Variants in PRPF6 observed in about 807,000 individuals in gnomAD.
PRPF6 encodes pre-mRNA processing factor 6.
A neutral mutation model predicts 118.3 loss-of-function variants in PRPF6; 42 were observed. The observed-to-expected ratio is 0.35, with a 90% CI of 0.28 to 0.46. The LOEUF (loss-of-function observed/expected upper bound fraction) is 0.46, where lower values mean the gene tolerates loss of function less well. Among genes scored for constraint, PRPF6 ranks in the 20% least tolerant of loss-of-function variants. The pLI is 1.00. For synonymous variants in PRPF6, 481 were observed against 485.1 expected (o/e 0.99, Z 0.11); for missense variants, 662 against 1,255.7 (o/e 0.53, Z 7.15).
At chr20:63,989,544 A>G (rs1208620044) in intron 3 of PRPF6, among the ~76,000 whole-genome samples, 1 of 151,376 alleles carries the variant, frequency 6.6e-6, no homozygotes, top group African/African-American at 2.4e-5. Context: ...AACAGTTAAC[A>G]TTTTGGCTCA....
At chr20:63,989,297 A>G (rs911340371) in intron 3 of PRPF6, among the ~76,000 whole-genome samples, 51 of 152,190 alleles carry the variant, frequency 3.4e-4, no homozygotes, top group African/African-American at 1.2e-3. Flanking sequence ...GAGAAACTCT[A>G]CAGGACATTG....
chr20:64,000,842 C>T (rs2059163394), intron 8 of PRPF6, among the ~76,000 whole-genome samples: 1 of 152,216 alleles, frequency 6.6e-6, no homozygotes, highest in Non-Finnish European at 1.5e-5. Flanking sequence ...GCTGGGATTA[C>T]AGGCGTGAGC....
At chr20:63,999,414 C>T (rs568516699) in intron 7 of PRPF6, among the ~76,000 whole-genome samples, 189 bp from the exon 8 acceptor site, 32 of 152,328 alleles carry the variant, frequency 2.1e-4, no homozygotes, top group African/African-American at 7.0e-4. Context: ...CGGTTCTCAG[C>T]GTTTGTCTGC....
rs540999740 is a variant in PRPF6 at position 64,000,208 on chromosome 20, G to A, written c.1023+449G>A. On this transcript the variant is annotated intron_variant, in intron 8 of 20. Coordinates refer to ENST00000266079, the MANE Select transcript of PRPF6 (RefSeq NM_012469.4). Reference sequence around the variant, plus strand: ...TCAGCTCTTCACCCGCCTAATGGTGGCCAGTCACGGTGGCTCACGCCTGTA... The same window carrying A: ...TCAGCTCTTCACCCGCCTAATGGTGACCAGTCACGGTGGCTCACGCCTGTA... 2.2e-4 allele frequency among the ~76,000 whole-genome samples: 34 copies of A among 152,258 alleles called. 1 individual carries two copies. The highest frequency in any genetic ancestry group is 3.4e-3 in the Middle Eastern group (1 of 294).
At chr20:63,994,107 C>T (rs2123003028) in intron 4 of PRPF6, among the ~76,000 whole-genome samples, 1 of 151,290 alleles carries the variant, frequency 6.6e-6, no homozygotes, top group East Asian at 2.0e-4. Context: ...GAATAATTTA[C>T]ATTTTAGTGA....
chr20:63,992,654 A>G (rs2059123805), intron 3 of PRPF6, among the ~76,000 whole-genome samples: 1 of 151,488 alleles, frequency 6.6e-6, no homozygotes, highest in Admixed American at 6.6e-5. Flanking sequence ...AGATCAAAGT[A>G]AGATCTTTTT....
rs1182323129 is a variant in PRPF6, at chr20:63,999,583, G to T, written c.867-20G>T. On this transcript the variant is annotated intron_variant, in intron 7 of 20. Coordinates refer to ENST00000266079, the MANE Select transcript of PRPF6 (RefSeq NM_012469.4). ...CCCTGACAGCATGGCCTGATGCCGT[G>T]TGCACTCTCCCTCTCATAGTGATAT... 6.2e-7 allele frequency: 1 copy of T among 1,613,596 alleles called. No individual in the cohort carries two copies. The highest frequency in any genetic ancestry group is 1.3e-5 in the African/African-American group (1 of 74,886).
chr20:64,018,364 A>G (rs997445710), intron 12 of PRPF6, among the ~76,000 whole-genome samples: 4 of 152,050 alleles, frequency 2.6e-5, no homozygotes, highest in Admixed American at 2.6e-4. Context: ...GTGATGCTGT[A>G]GACTCCTCTT....
chr20:64,028,622 G>A lies in PRPF6; in HGVS notation c.2431+53G>A. 3 of 1,593,744 alleles carry A rather than the reference G, an allele frequency of 1.9e-6. No homozygotes were observed. In the South Asian group the frequency reaches 3.3e-5, roughly 18 times the overall value. ...GGGGTGCCCTGACTCCGGTAAGGGGGTGCCTTGACTCCGGTAAGGGGGTGC... is the reference window on the plus strand; with the variant it reads ...GGGGTGCCCTGACTCCGGTAAGGGGATGCCTTGACTCCGGTAAGGGGGTGC... On this transcript the variant is annotated intron_variant, in intron 18 of 20. Transcript: ENST00000266079. This position sits in a 1 kb window ranked among gnomAD's most constrained non-coding sequence, Gnocchi z 6.5.
intron 6 of PRPF6, among the ~76,000 whole-genome samples, chr20:63,996,250 A>G (rs1480797285): frequency 6.6e-6 from 1 of 152,072 alleles, no homozygotes. Flanking sequence ...AAGGCAGGAG[A>G]ATTGCTTGAA....
At chr20:63,981,643 T>TCCCCCCCCCCCCC (rs11295538) in intron 1 of PRPF6, among the ~76,000 whole-genome samples, 6 of 124,386 alleles carry the variant, frequency 4.8e-5, no homozygotes, top group Admixed American at 2.5e-4. Flanking sequence ...GGGCTGACAC[T>TCCCCCCCCCCCCC]CCCCCCCCCC....
At position 63,984,976 on chromosome 20, in the gene PRPF6, A is replaced by C; in HGVS notation, c.310A>C (p.Ile104Leu). The C allele has an allele frequency of 6.2e-7, 1 of 1,613,868 alleles. No individual in the cohort carries two copies. The highest frequency in any genetic ancestry group is 8.5e-7 in the Non-Finnish European group (1 of 1,179,818). The stretch of plus-strand genomic sequence containing the variant: ...GAAAGATGATGAGGAAGCAGATGCT[A>C]TCTATGCAGCCCTGGATAAAAGGAT... ...YEKDDEEADA[I>L]YAALDKRMDE... The change falls in exon 3 of 21, where the codon ATC becomes CTC. Residue 104 changes from isoleucine (I) to leucine (L), a missense_variant. Physicochemically the swap from Ile to Leu is conservative, Grantham distance 5 (BLOSUM62 2). This residue lies in a region of PRPF6 where 20 missense variants were observed against 69.4 expected (regional missense o/e 0.29). Coordinates refer to ENST00000266079, the MANE Select transcript of PRPF6 (RefSeq NM_012469.4).
intron 8 of PRPF6, 90 bp from the exon 9 acceptor site, chr20:64,000,987 C>A: frequency 6.9e-7 from 1 of 1,452,474 alleles, no homozygotes. Context: ...TTCTGGGGCC[C>A]GAGGATCTGC....
chr20:63,986,638 G>C (rs999643013), intron 3 of PRPF6, among the ~76,000 whole-genome samples: 4 of 150,990 alleles, frequency 2.6e-5, no homozygotes, highest in Admixed American at 6.6e-5. Flanking sequence ...ACAGTTGCCC[G>C]CCACCACGCC....
intron 12 of PRPF6, among the ~76,000 whole-genome samples, chr20:64,021,232 T>C (rs1307529976): frequency 6.6e-6 from 1 of 150,934 alleles, no homozygotes; most frequent in Non-Finnish European, 1.5e-5. Context: ...CACAGCCCCA[T>C]GTCTGTGTGT....
chr20:64,007,866 T>A (rs1176123489), intron 9 of PRPF6, among the ~76,000 whole-genome samples: 1 of 152,160 alleles, frequency 6.6e-6, no homozygotes, highest in Non-Finnish European at 1.5e-5. Flanking sequence ...CACCTGCGCC[T>A]TCTGGGTTCA....
At chr20:64,000,148 G>C (rs1002944875) in intron 8 of PRPF6, among the ~76,000 whole-genome samples, 1 of 152,012 alleles carries the variant, frequency 6.6e-6, no homozygotes, top group Non-Finnish European at 1.5e-5. Flanking sequence ...CTGGTTTGAC[G>C]GCAGGCTAAG....
At chr20:63,982,090 A>C (rs762145066) in intron 1 of PRPF6, among the ~76,000 whole-genome samples, 2 of 152,080 alleles carry the variant, frequency 1.3e-5, no homozygotes, top group African/African-American at 4.8e-5. Context: ...AATAGAATAG[A>C]GCTCAGGAGG....
At position 64,011,268 on chromosome 20, in the gene PRPF6, G is replaced by A. The variant is rs754171352; in HGVS notation, c.1306-17G>A. On this transcript the variant is annotated splice_polypyrimidine_tract_variant and intron_variant, in intron 10 of 20. Transcript: ENST00000266079. This position sits in a 1 kb window ranked among gnomAD's most constrained non-coding sequence, Gnocchi z 6.7. Reference sequence around the variant, plus strand: ...AGCACAGTGTCCTCTCCTTTTTCTCGTGTCCTCTCCGCGTAGCTCTGGCTT... The same window carrying A: ...AGCACAGTGTCCTCTCCTTTTTCTCATGTCCTCTCCGCGTAGCTCTGGCTT... 248 of 1,613,164 alleles carry A rather than the reference G, an allele frequency of 1.5e-4. No individual in the cohort carries two copies. The highest frequency in any genetic ancestry group is 1.2e-3 in the South Asian group (105 of 91,018).
Sources: gnomAD v4.1 joint callset for allele counts (sites outside exome capture counted in the v4.1 genomes callset) on GRCh38, gnomAD v4.1.1 for gene constraint, gnomAD v4.1.1 regional missense constraint, Gnocchi (gnomAD v3.1) non-coding constraint, MANE v1.5 for transcripts, NCBI Gene and HGNC (gene_info 2026-07-23, HGNC 2026-07-21) for gene names.